CDH4: variants seen among roughly 807,000 people sequenced by gnomAD.
CDH4 encodes the protein cadherin-4.
In CDH4, 33 loss-of-function variants were observed where a neutral mutation model predicts 86.0. The ratio of observed to expected loss-of-function variants is 0.38; its 90% confidence interval spans 0.29 to 0.51. The LOEUF (loss-of-function observed/expected upper bound fraction) is 0.51. CDH4 is among the 20% of genes least tolerant of loss of function. The pLI is 0.86. For missense variants in CDH4, 1,114 were observed against 1,307.4 expected (o/e 0.85, Z 2.28); for synonymous variants, 555 against 549.4 (o/e 1.01, Z -0.14).
Position 61,719,079 on chromosome 20 carries a change from G to A in CDH4, c.170-24484G>A, listed in dbSNP as rs558684329. 5.9e-5 allele frequency: 28 copies of A among 471,108 alleles called. 1 individual carries two copies. In the East Asian group the frequency reaches 8.3e-4, roughly 14 times the overall value. 29.2% of individuals were successfully genotyped at this position (471,108 alleles called of 1,614,324 possible). A position where few individuals can be genotyped will look rare whatever the true frequency, so the allele number is the denominator to read the frequency against. On this transcript the variant is annotated intron_variant, in intron 2 of 15. Coordinates refer to ENST00000614565, the MANE Select transcript of CDH4 (RefSeq NM_001794.5). ...ACTCGTGCTAATAGGAAGTGCTGGC[G>A]AAAGCAAATGATCAAAATCGTATCC...
At position 61,924,349 on chromosome 20, in the gene CDH4, A is replaced by G; in HGVS notation, c.1644A>G (p.Ser548=). The change falls in exon 11 of 16, where the codon TCA becomes TCG. Residue 548 remains serine, a synonymous_variant. Transcript: ENST00000614565. ...GTCTCCGCAGATACTCAAAGCTGTC[A>G]GACCCAGCGAGCTGGCTGCACATCA... ...MQQAVRYSKL[S]DPASWLHINA... is the part of the protein sequence containing the mutation. The G allele has an allele frequency of 6.2e-7, 1 of 1,611,672 alleles. No individual in the cohort carries two copies. The highest frequency in any genetic ancestry group is 8.5e-7 in the Non-Finnish European group (1 of 1,179,586).
intron 3 of CDH4, among the ~76,000 whole-genome samples, chr20:61,755,854 T>C (rs559189748): frequency 2.0e-5 from 3 of 152,238 alleles, no homozygotes; most frequent in South Asian, 4.1e-4. Context: ...ATGAAACACA[T>C]GCGCAGGTGT....
At chr20:61,523,005 A>T (rs1299371349) in intron 2 of CDH4, among the ~76,000 whole-genome samples, 1 of 152,168 alleles carries the variant, frequency 6.6e-6, no homozygotes, top group Non-Finnish European at 1.5e-5. Flanking sequence ...TAGCTCCATC[A>T]GCCACCGGCC....
chr20:61,910,719 A>C, intron 9 of CDH4, 112 bp downstream of exon 9: 10 of 995,180 alleles, frequency 1.0e-5, no homozygotes, highest in South Asian at 1.6e-5. Flanking sequence ...CCCCCCTAAT[A>C]TCCAAGGGTA....
intron 2 of CDH4, among the ~76,000 whole-genome samples, chr20:61,350,778 A>G (rs1305073316): frequency 6.6e-6 from 1 of 152,244 alleles, no homozygotes; most frequent in Admixed American, 6.5e-5. Flanking sequence ...GTGAGCGGAA[A>G]ATTGCCACTC....
rs1397343847 is a variant in CDH4, at chr20:61,928,415, G to A, written c.1997G>A (p.Arg666His). 9 of 1,611,460 alleles carry A rather than the reference G, an allele frequency of 5.6e-6. No individual in the cohort carries two copies. The highest frequency in any genetic ancestry group is 3.3e-5 in the Admixed American group (2 of 59,988). The change falls in exon 12 of 16, where the codon CGC becomes CAC. Residue 666 changes from arginine to histidine, a missense_variant. Arg to His is a conservative substitution (Grantham distance 29). Transcript: ENST00000614565. ...GTGCGGAAGAACTGGACCATCACCC[G>A]CCTGAACGGTGAGCCCGCCTTAGGC... The part of the protein sequence containing the change: ...AAVRKNWTIT[R>H]LNGDYAQLSL...
chr20:61,266,467 A>C (rs932936813), intron 2 of CDH4, among the ~76,000 whole-genome samples: 5 of 151,926 alleles, frequency 3.3e-5, no homozygotes, highest in African/African-American at 9.7e-5. Context: ...CTGGCCACCC[A>C]AATGTGAGTT....
chr20:61,406,663 G>A (rs1244850354), intron 2 of CDH4, among the ~76,000 whole-genome samples: 32 of 131,198 alleles, frequency 2.4e-4, no homozygotes, highest in African/African-American at 6.9e-4. Flanking sequence ...TGCTCTGCCC[G>A]GACCACCATC....
chr20:61,703,109 G>C lies in CDH4; in HGVS notation c.170-40454G>C, dbSNP rs2145887888. Among the ~76,000 whole-genome samples, 1 of 152,274 alleles carries C rather than the reference G, an allele frequency of 6.6e-6. No homozygotes were observed. The highest frequency in any genetic ancestry group is 2.1e-4 in the South Asian group (1 of 4,814). Reference sequence around the variant, plus strand: ...TCTTGGCTGAATTTACACTCTGGTGGGGCAGGGGGCCACGGGATGTTAGAA... The same window carrying C: ...TCTTGGCTGAATTTACACTCTGGTGCGGCAGGGGGCCACGGGATGTTAGAA... On this transcript the variant is annotated intron_variant, in intron 2 of 15. Transcript: ENST00000614565. This position sits in a 1 kb window ranked among gnomAD's most constrained non-coding sequence, Gnocchi z 4.3.
chr20:61,471,328 G>A (rs1349538404), intron 2 of CDH4, among the ~76,000 whole-genome samples: 1 of 151,914 alleles, frequency 6.6e-6, no homozygotes, highest in African/African-American at 2.4e-5. Context: ...GCTCATAGTA[G>A]CCACTAATGA....
rs187828112 is a variant in CDH4, at chr20:61,495,817, C to T, written c.169+240880C>T. Among the ~76,000 whole-genome samples, 539 of 145,198 alleles carry T rather than the reference C, an allele frequency of 3.7e-3. 2 individuals carry two copies. Among genetic ancestry groups the T allele is most frequent in the African/African-American group, 0.013 (526 of 39,458 alleles). On this transcript the variant is annotated intron_variant, in intron 2 of 15. Coordinates refer to ENST00000614565, the MANE Select transcript of CDH4 (RefSeq NM_001794.5). ...ACTCGGGAGGCTGAGACAGGAGAAT[C>T]ATTTGAACTCAGGTGGTGGAGGTTG... is the stretch of plus-strand genomic sequence containing the variant.
chr20:61,815,613 T>C (rs1980677637), intron 4 of CDH4, among the ~76,000 whole-genome samples: 1 of 151,968 alleles, frequency 6.6e-6, no homozygotes, highest in African/African-American at 2.4e-5. Flanking sequence ...CTCCTCAGAG[T>C]AGAGAGCCCG....
intron 2 of CDH4, among the ~76,000 whole-genome samples, chr20:61,359,938 G>A (rs1407838614): frequency 5.3e-5 from 8 of 152,208 alleles, no homozygotes; most frequent in Admixed American, 5.2e-4. Context: ...CAGAGAACAG[G>A]ACTTTCTGGA....
chr20:61,826,893 C>G (rs570784999), intron 4 of CDH4, among the ~76,000 whole-genome samples: 1 of 151,136 alleles, frequency 6.6e-6, no homozygotes, highest in East Asian at 1.9e-4. Context: ...AACCATGATC[C>G]GGGACCAGTA....
intron 2 of CDH4, among the ~76,000 whole-genome samples, chr20:61,635,311 G>GT (rs913716194): frequency 4.6e-5 from 7 of 152,180 alleles, no homozygotes; most frequent in Admixed American, 1.3e-4. Flanking sequence ...GTGAATGTCT[G>GT]TTTTTTTATA....
At chr20:61,682,421 A>G (rs2087526433) in intron 2 of CDH4, among the ~76,000 whole-genome samples, 1 of 116,312 alleles carries the variant, frequency 8.6e-6, no homozygotes, top group Admixed American at 9.9e-5. Context: ...GACAGATGGA[A>G]GGATGGATGG....
intron 2 of CDH4, among the ~76,000 whole-genome samples, chr20:61,546,261 G>A (rs2086085575): frequency 6.6e-6 from 1 of 151,734 alleles, no homozygotes; most frequent in Non-Finnish European, 1.5e-5. Flanking sequence ...GATACAGTAT[G>A]TGTTCACATG....
intron 2 of CDH4, among the ~76,000 whole-genome samples, chr20:61,287,125 C>T (rs1404059544): frequency 6.6e-6 from 1 of 152,192 alleles, no homozygotes. Context: ...GTGTCTTCGT[C>T]TGAAAACCAG....
intron 4 of CDH4, among the ~76,000 whole-genome samples, chr20:61,796,051 G>A (rs1979519273): frequency 1.3e-5 from 2 of 152,052 alleles, no homozygotes; most frequent in Non-Finnish European, 2.9e-5. Flanking sequence ...GCAAGGGCAG[G>A]GCTGGCCCCT....
Sources: gnomAD v4.1 joint callset for allele counts (sites outside exome capture counted in the v4.1 genomes callset) on GRCh38, gnomAD v4.1.1 for gene constraint, Gnocchi (gnomAD v3.1) non-coding constraint, MANE v1.5 for transcripts, NCBI Gene and HGNC (gene_info 2026-07-23, HGNC 2026-07-21) for gene names.